The following PPT1 variants were observed in gnomAD, a reference collection of about 807,000 sequenced individuals.
The protein encoded by PPT1 is ceroid-palmitoyl-palmitoyl-protein thioesterase 1.
Under a neutral mutation model 44.0 loss-of-function variants are expected in PPT1, and 24 were observed. The observed-to-expected ratio is 0.54, with a 90% CI of 0.39 to 0.77. The LOEUF is 0.77. Ranked by LOEUF, PPT1 falls within the 30% of genes least tolerant of loss-of-function variation. PPT1 has a pLI of 0.00. For missense variants in PPT1, 341 were observed against 378.8 expected (o/e 0.90, Z 0.83); for synonymous variants, 148 against 140.2 (o/e 1.06, Z -0.39).
chr1:40,091,661 C>T (rs902382720), intron 3 of PPT1, among the ~76,000 whole-genome samples: 6 of 151,968 alleles, frequency 3.9e-5, no homozygotes, highest in Admixed American at 2.0e-4. Context: ...GTCAGGAGTT[C>T]GAGACCAGCC....
At chr1:40,096,795 C>A in intron 1 of PPT1, 1 of 391,014 alleles carries the variant, frequency 2.6e-6, no homozygotes, top group Non-Finnish European at 4.8e-6. Flanking sequence ...GTCATATAGC[C>A]AGCCGCAGCT....
At chr1:40,082,157 A>G (rs1648978090) in intron 5 of PPT1, 1 of 152,206 alleles carries the variant, frequency 6.6e-6, no homozygotes, top group Non-Finnish European at 1.5e-5. Flanking sequence ...GTTGGCAGGG[A>G]GAGAAATCAA....
At chr1:40,080,591 G>T in intron 5 of PPT1, 104 bp from the exon 6 acceptor site, 3 of 1,101,690 alleles carry the variant, frequency 2.7e-6, no homozygotes, top group Non-Finnish European at 2.7e-6. Context: ...AGGACAAAAG[G>T]CCAGCCAGGC....
At chr1:40,085,778 T>A (rs1273011787) in intron 5 of PPT1, among the ~76,000 whole-genome samples, 1 of 152,232 alleles carries the variant, frequency 6.6e-6, no homozygotes, top group Non-Finnish European at 1.5e-5. Flanking sequence ...AACATAGCTT[T>A]TATATGCGCT....
chr1:40,075,160 CAGG>C (rs1362706608), intron 8 of PPT1: 1 of 152,300 alleles, frequency 6.6e-6, no homozygotes, highest in Admixed American at 6.5e-5. Context: ...GAGGCTGAGA[CAGG>C]AGAATTCGCT....
chr1:40,078,582 A>G lies in PPT1; in HGVS notation c.704T>C (p.Ile235Thr). The change falls in exon 7 of 9, where the codon ATT becomes ACT. Residue 235 changes from isoleucine (I) to threonine (T), a missense_variant. By Grantham distance (89) the Ile-to-Thr change is moderately conservative. Transcript: ENST00000642050. ...FVMVKFLNDS[I>T]VDPVDSEWFG... Reference sequence around the variant, plus strand: ...CACCTCCGAATCTACAGGGTCCACAATGGAATCATTGAGGAATTTCACCAT... The same window carrying G: ...CACCTCCGAATCTACAGGGTCCACAGTGGAATCATTGAGGAATTTCACCAT... The G allele has an allele frequency of 3.7e-6, 6 of 1,613,982 alleles. No homozygotes were observed. Among genetic ancestry groups the G allele is most frequent in the East Asian group, 2.2e-5 (1 of 44,880 alleles).
intron 6 of PPT1, 109 bp from the exon 7 acceptor site, chr1:40,078,767 C>T: frequency 1.1e-6 from 1 of 915,886 alleles, no homozygotes; most frequent in Non-Finnish European, 1.8e-6. Flanking sequence ...TGTGTTTCTT[C>T]CCCATGGGTA....
At chr1:40,082,877 A>T (rs556434059) in intron 5 of PPT1, among the ~76,000 whole-genome samples, 9 of 152,254 alleles carry the variant, frequency 5.9e-5, no homozygotes, top group Non-Finnish European at 1.0e-4. Flanking sequence ...TTTCACAGCT[A>T]TAGAGGAGAA....
chr1:40,074,039 T>G lies in PPT1; in HGVS notation c.*22A>C. ...TGGAAGAGTTAGGGGCTCCCTGAGC[T>G]CTATTGTGAACTATACGGGTTTCAT... On this transcript the variant is annotated 3_prime_UTR_variant, in exon 9 of 9. Coordinates refer to ENST00000642050, the MANE Select transcript of PPT1 (RefSeq NM_000310.4). 1 of 1,614,012 alleles carries G rather than the reference T, an allele frequency of 6.2e-7. No individual in the cohort carries two copies. Among genetic ancestry groups the G allele is most frequent in the Non-Finnish European group, 8.5e-7 (1 of 1,179,962 alleles).
chr1:40,095,159 C>T (rs11207493), intron 1 of PPT1, among the ~76,000 whole-genome samples: 16,159 of 152,202 alleles, frequency 0.11, 943 homozygotes, highest in East Asian at 0.16. Context: ...CATGACCTAT[C>T]AACATTTGAT....
rs781759073 is a variant in PPT1, at chr1:40,074,088, A to G, written c.894T>C (p.Tyr298=). 10 of 1,614,240 alleles carry G rather than the reference A, an allele frequency of 6.2e-6. No homozygotes were observed. Among genetic ancestry groups the G allele is most frequent in the Non-Finnish European group, 7.6e-6 (9 of 1,180,038 alleles). ...ATCCAAGGAATGGTATGATGTGGGC[A>G]TAAAACCATTCTTCAGACAACTGAA... ...DHLQLSEEWF[Y]AHIIPFLG Residue 298 remains tyrosine, a synonymous_variant, in exon 9 of 9, where the codon TAT becomes TAC. Transcript: ENST00000642050.
At chr1:40,077,078 G>C (rs1279735970) in intron 7 of PPT1, among the ~76,000 whole-genome samples, 165 bp from the exon 8 acceptor site, 2 of 152,204 alleles carry the variant, frequency 1.3e-5, no homozygotes, top group African/African-American at 4.8e-5. Context: ...TCTTCTTAAG[G>C]GTGGAGCCCG....
chr1:40,076,981 A>C, intron 7 of PPT1, 68 bp from the exon 8 acceptor site: 2 of 1,572,182 alleles, frequency 1.3e-6, no homozygotes, highest in Non-Finnish European at 1.7e-6. Flanking sequence ...ATAATTTGAG[A>C]CTGGTTAGAA....
At chr1:40,081,561 A>C (rs2124475815) in intron 5 of PPT1, among the ~76,000 whole-genome samples, 1 of 87,628 alleles carries the variant, frequency 1.1e-5, no homozygotes, top group African/African-American at 4.1e-5. Context: ...TAAATAAATA[A>C]ATAAATAGAA....
chr1:40,089,371 G>A (rs757155617), intron 5 of PPT1, 39 bp downstream of exon 5: 25 of 1,510,926 alleles, frequency 1.7e-5, no homozygotes, highest in South Asian at 3.4e-5. Flanking sequence ...ATTTTCACAC[G>A]GTGACAGGTC....
chr1:40,094,559 GCC>G (rs1649745922), intron 1 of PPT1, among the ~76,000 whole-genome samples: 1 of 152,124 alleles, frequency 6.6e-6, no homozygotes, highest in Non-Finnish European at 1.5e-5. Flanking sequence ...GAGAGTGAGT[GCC>G]TCCTTAAATT....
At chr1:40,081,761 C>T (rs1274652017) in intron 5 of PPT1, among the ~76,000 whole-genome samples, 1 of 152,046 alleles carries the variant, frequency 6.6e-6, no homozygotes, top group African/African-American at 2.4e-5. Context: ...CAGACTAATA[C>T]AGTAAATAAG....
chr1:40,073,901 A>G lies in PPT1; in HGVS notation c.*160T>C. Reference sequence around the variant, plus strand: ...TGGTAACAGAAGATGGCAAAGGATAAGATTCAGATCTTAGATCTTTCCAAG... The same window carrying G: ...TGGTAACAGAAGATGGCAAAGGATAGGATTCAGATCTTAGATCTTTCCAAG... On this transcript the variant is annotated 3_prime_UTR_variant, in exon 9 of 9. Coordinates refer to ENST00000642050, the MANE Select transcript of PPT1 (RefSeq NM_000310.4). The G allele has an allele frequency of 2.1e-6, 2 of 971,892 alleles. 1 individual carries two copies. The highest frequency in any genetic ancestry group is 2.8e-5 in the South Asian group (2 of 70,602). 60.2% of individuals were successfully genotyped at this position (971,892 alleles called of 1,614,324 possible).
intron 5 of PPT1, among the ~76,000 whole-genome samples, chr1:40,081,712 T>C (rs1259050572): frequency 6.6e-6 from 1 of 152,130 alleles, no homozygotes; most frequent in Non-Finnish European, 1.5e-5. Context: ...AACCTCTATT[T>C]GCCCAGTCTC....
Sources: gnomAD v4.1 joint callset for allele counts (sites outside exome capture counted in the v4.1 genomes callset) on GRCh38, gnomAD v4.1.1 for gene constraint, MANE v1.5 for transcripts, NCBI Gene and HGNC (gene_info 2026-07-23, HGNC 2026-07-21) for gene names.